MYO18A: variants seen among roughly 807,000 people sequenced by gnomAD.
MYO18A encodes myosin XVIIIA.
MYO18A carries 78 observed loss-of-function variants against 235.8 expected under a neutral mutation model. That is an observed-to-expected ratio of 0.33 (90% CI 0.28 to 0.40). The LOEUF (loss-of-function observed/expected upper bound fraction) is 0.40, where lower values mean the gene tolerates loss of function less well. MYO18A is among the 10% of genes least tolerant of loss of function. The pLI is 1.00. For missense variants in MYO18A, 2,215 were observed against 2,699.3 expected (o/e 0.82, Z 3.98); for synonymous variants, 977 against 1,077.8 (o/e 0.91, Z 1.83).
chr17:29,172,481 A>G (rs1445465672), intron 1 of MYO18A, among the ~76,000 whole-genome samples: 1 of 152,030 alleles, frequency 6.6e-6, no homozygotes, highest in Non-Finnish European at 1.5e-5. Flanking sequence ...AAAAAATTAA[A>G]TAAAAATGAA....
chr17:29,139,815 C>T lies in MYO18A; in HGVS notation c.1000-17562G>A, dbSNP rs188399570. 4.6e-5 allele frequency among the ~76,000 whole-genome samples: 7 copies of T among 152,288 alleles called. No homozygotes were observed. In the South Asian group the frequency reaches 8.3e-4, roughly 18 times the overall value. ...AGAAATGGAGGTGGCCATGCTAAGACTACTCTTGGGGACAGCGAGAAGGGT... is the reference window on the plus strand; with the variant it reads ...AGAAATGGAGGTGGCCATGCTAAGATTACTCTTGGGGACAGCGAGAAGGGT... On this transcript the variant is annotated intron_variant, in intron 2 of 41. Transcript: ENST00000527372.
Position 29,120,313 on chromosome 17 carries a change from C to T in MYO18A, c.1728+303G>A, listed in dbSNP as rs1298709061. On this transcript the variant is annotated intron_variant, in intron 7 of 41. Transcript: ENST00000527372. This position sits in a 1 kb window ranked among gnomAD's most constrained non-coding sequence, Gnocchi z 4.2. Reference sequence around the variant, plus strand: ...GGTGAAATCGGCCCGAGAGAAGCCCCGAGCATGAATCTCAGAAAGTGGGAA... The same window carrying T: ...GGTGAAATCGGCCCGAGAGAAGCCCTGAGCATGAATCTCAGAAAGTGGGAA... Among the ~76,000 whole-genome samples the T allele has an allele frequency of 2.0e-5, 3 of 152,102 alleles. No homozygotes were observed. Among genetic ancestry groups the T allele is most frequent in the Non-Finnish European group, 4.4e-5 (3 of 68,038 alleles).
At position 29,117,288 on chromosome 17, in the gene MYO18A, A is replaced by T. The variant is rs1273735277; in HGVS notation, c.2038+757T>A. ...CCCCGAGCGCAAGTGCCAAAGCTGCAGCCCATTCGTTACCACGGTGCCTGC... is the reference window on the plus strand; with the variant it reads ...CCCCGAGCGCAAGTGCCAAAGCTGCTGCCCATTCGTTACCACGGTGCCTGC... On this transcript the variant is annotated intron_variant, in intron 10 of 41. Coordinates refer to ENST00000527372, the MANE Select transcript of MYO18A (RefSeq NM_078471.4). The surrounding 1 kb of genome is among the most constrained non-coding windows in gnomAD (Gnocchi z 4.6). 6.6e-6 allele frequency among the ~76,000 whole-genome samples: 1 copy of T among 152,214 alleles called. No individual in the cohort carries two copies. The highest frequency in any genetic ancestry group is 1.5e-5 in the Non-Finnish European group (1 of 68,040).
At chr17:29,089,863 C>G in intron 37 of MYO18A, 98 bp downstream of exon 37, 2 of 1,499,628 alleles carry the variant, frequency 1.3e-6, no homozygotes, top group East Asian at 4.7e-5. Flanking sequence ...CCTCTGAGGA[C>G]TGTCCGGGGG....
intron 2 of MYO18A, among the ~76,000 whole-genome samples, chr17:29,133,006 C>T (rs1355026764): frequency 6.6e-6 from 1 of 152,246 alleles, no homozygotes; most frequent in African/African-American, 2.4e-5. Context: ...CACAGACACA[C>T]TCATTACTGC....
At position 29,090,134 on chromosome 17, in the gene MYO18A, A is replaced by T. The variant is rs767739126; in HGVS notation, c.5389-36T>A. On this transcript the variant is annotated intron_variant, in intron 36 of 41. Coordinates refer to ENST00000527372, the MANE Select transcript of MYO18A (RefSeq NM_078471.4). ...GGGACAGGAAGAGAAGAAAGAACTG[A>T]GCCCAGAAAGGGAGGAGACTGCGTC... The T allele has an allele frequency of 1.9e-6, 3 of 1,597,460 alleles. No homozygotes were observed. The East Asian group carries it at 6.8e-5, about 36-fold the overall frequency.
At chr17:29,089,906 A>G in intron 37 of MYO18A, 55 bp downstream of exon 37, 2 of 1,608,512 alleles carry the variant, frequency 1.2e-6, no homozygotes, top group Non-Finnish European at 1.7e-6. Context: ...GCGCGGCTCC[A>G]GCGCTGGGGC....
intron 37 of MYO18A, among the ~76,000 whole-genome samples, chr17:29,088,560 A>T (rs1015532684): frequency 6.6e-6 from 1 of 151,670 alleles, no homozygotes; most frequent in African/African-American, 2.4e-5. Context: ...CACCAACCAC[A>T]CTCATCAACA....
intron 2 of MYO18A, among the ~76,000 whole-genome samples, chr17:29,145,477 C>G (rs914704308): frequency 2.0e-5 from 3 of 152,158 alleles, no homozygotes; most frequent in African/African-American, 7.2e-5. Flanking sequence ...GGAAGTCGTT[C>G]ACTTATTCAA....
chr17:29,161,826 G>A (rs1043988061), intron 2 of MYO18A, among the ~76,000 whole-genome samples: 1 of 152,156 alleles, frequency 6.6e-6, no homozygotes, highest in Non-Finnish European at 1.5e-5. Context: ...AGTGGAGGAG[G>A]GAATTTTGAT....
intron 2 of MYO18A, among the ~76,000 whole-genome samples, chr17:29,154,122 G>GTGTGTGTGTGTGTGTGTGTGCGCA (rs1555539089): frequency 9.1e-6 from 1 of 109,394 alleles, no homozygotes; most frequent in African/African-American, 3.0e-5. Context: ...GTGTGTGTGT[G>GTGTGTGTGTGTGTGTGTGTGCGCA]CGCGCGCGTG....
At chr17:29,089,419 CAAAAAA>C (rs56389977) in intron 37 of MYO18A, among the ~76,000 whole-genome samples, 16 of 23,806 alleles carry the variant, frequency 6.7e-4, no homozygotes, top group African/African-American at 9.2e-4. Context: ...GACTCTGTCT[CAAAAAA>C]AAAAAAAAAA....
At position 29,158,558 on chromosome 17, in the gene MYO18A, G is replaced by C. The variant is rs2068107833; in HGVS notation, c.999+7384C>G. ...GCGCCCTCAGTGCTGCCAGATGCCT[G>C]GGGCACAACCATACCCGCTGCCCAG... is the stretch of plus-strand genomic sequence containing the variant. On this transcript the variant is annotated intron_variant, in intron 2 of 41. Coordinates refer to ENST00000527372, the MANE Select transcript of MYO18A (RefSeq NM_078471.4). This position sits in a 1 kb window ranked among gnomAD's most constrained non-coding sequence, Gnocchi z 4.3. Among the ~76,000 whole-genome samples the C allele has an allele frequency of 6.6e-6, 1 of 152,200 alleles. No individual in the cohort carries two copies. The highest frequency in any genetic ancestry group is 1.5e-5 in the Non-Finnish European group (1 of 68,046).
At chr17:29,085,244 C>T (rs1175087016) in intron 40 of MYO18A, among the ~76,000 whole-genome samples, 5 of 152,194 alleles carry the variant, frequency 3.3e-5, no homozygotes, top group African/African-American at 1.2e-4. Flanking sequence ...ACAGACTTTT[C>T]CCCCCAGAGA....
At position 29,162,304 on chromosome 17, in the gene MYO18A, C is replaced by T. The variant is rs749137220; in HGVS notation, c.999+3638G>A. Among the ~76,000 whole-genome samples, 20 of 152,328 alleles carry T rather than the reference C, an allele frequency of 1.3e-4. No homozygotes were observed. The Middle Eastern group carries it at 0.01, about 78-fold the overall frequency. On this transcript the variant is annotated intron_variant, in intron 2 of 41. Coordinates refer to ENST00000527372, the MANE Select transcript of MYO18A (RefSeq NM_078471.4). The stretch of plus-strand genomic sequence containing the variant: ...GTGCCCTTTGGTTAAAGTTCACGTT[C>T]CCCAGCACGGCTCACAGGGGCCTCC...
At chr17:29,085,566 C>G in intron 40 of MYO18A, 38 bp downstream of exon 40, 1 of 1,608,100 alleles carries the variant, frequency 6.2e-7, no homozygotes, top group East Asian at 2.2e-5. Flanking sequence ...TAGACACCCG[C>G]GAGGACAGGC....
At chr17:29,129,792 G>C (rs1271325205) in intron 2 of MYO18A, among the ~76,000 whole-genome samples, 2 of 152,210 alleles carry the variant, frequency 1.3e-5, no homozygotes, top group Non-Finnish European at 2.9e-5. Context: ...CTGAGCCAAG[G>C]GCCTTAATCT....
chr17:29,176,434 A>G (rs1321939626), intron 1 of MYO18A: 1 of 152,214 alleles, frequency 6.6e-6, no homozygotes, highest in African/African-American at 2.4e-5. Context: ...GAGTCCCAAG[A>G]CAAGGGTGCC....
intron 13 of MYO18A, 62 bp from the exon 14 acceptor site, chr17:29,115,161 C>T: frequency 6.5e-7 from 1 of 1,534,964 alleles, no homozygotes; most frequent in Non-Finnish European, 8.8e-7. Context: ...GGAAGCCCCA[C>T]CCTGCCCAAG....
Sources: gnomAD v4.1 joint callset for allele counts (sites outside exome capture counted in the v4.1 genomes callset) on GRCh38, gnomAD v4.1.1 for gene constraint, Gnocchi (gnomAD v3.1) non-coding constraint, MANE v1.5 for transcripts, NCBI Gene and HGNC (gene_info 2026-07-23, HGNC 2026-07-21) for gene names.